ALPL: variants seen among roughly 807,000 people sequenced by gnomAD.
The protein encoded by ALPL is alkaline phosphatase, biomineralization associated.
A neutral mutation model predicts 51.3 loss-of-function variants in ALPL; 42 were observed. The observed-to-expected ratio is 0.82, with a 90% CI of 0.64 to 1.06. ALPL has a LOEUF of 1.06. ALPL is among the 50% of genes least tolerant of loss of function. The pLI is 0.00. For missense variants in ALPL, 589 were observed against 709.4 expected, an observed-to-expected ratio of 0.83 and a Z score of 1.93; for synonymous variants, 279 against 296.4, an observed-to-expected ratio of 0.94 and a Z score of 0.60.
At chr1:21,551,783 T>C (rs1644327038) in intron 1 of ALPL, among the ~76,000 whole-genome samples, 2 of 134,646 alleles carry the variant, frequency 1.5e-5, no homozygotes, top group South Asian at 5.4e-4. Context: ...TGGAGTGCAG[T>C]GGCGCGATCT....
At chr1:21,570,979 G>A (rs775644477) in intron 8 of ALPL, among the ~76,000 whole-genome samples, 28 of 152,230 alleles carry the variant, frequency 1.8e-4, no homozygotes, top group Non-Finnish European at 3.2e-4. Context: ...ACAGCTCCGC[G>A]TCCTGGGTGT....
Position 21,564,319 on chromosome 1 carries a change from G to A in ALPL, c.648+103G>A. 1 of 1,441,428 alleles carries A rather than the reference G, an allele frequency of 6.9e-7. No individual in the cohort carries two copies. Among genetic ancestry groups the A allele is most frequent in the Non-Finnish European group, 9.5e-7 (1 of 1,051,606 alleles). 89.3% of individuals were successfully genotyped at this position (1,441,428 alleles called of 1,614,324 possible). On this transcript the variant is annotated intron_variant, in intron 6 of 11. Coordinates refer to ENST00000374840, the MANE Select transcript of ALPL (RefSeq NM_000478.6). This position sits in a 1 kb window ranked among gnomAD's most constrained non-coding sequence, Gnocchi z 5.8. ...GGCCCGGAGAAAGCAGCCTGGCCTG[G>A]CTCCCCACACACCTGGGAGGCTCCC...
At chr1:21,547,804 G>A (rs1226955701) in intron 1 of ALPL, among the ~76,000 whole-genome samples, 1 of 152,226 alleles carries the variant, frequency 6.6e-6, no homozygotes, top group Non-Finnish European at 1.5e-5. Context: ...TAAACAGCAT[G>A]GGGCTGAGTG....
At chr1:21,573,574 C>T (rs2148183920) in intron 8 of ALPL, 91 bp from the exon 9 acceptor site, 2 of 1,529,326 alleles carry the variant, frequency 1.3e-6, no homozygotes, top group Non-Finnish European at 8.9e-7. Flanking sequence ...TGTGGGGAGC[C>T]TGCATTCCCT....
In ALPL at chr1:21,546,648, G is replaced by A. The variant is rs372386687; in HGVS notation, c.-104-7330G>A. Among the ~76,000 whole-genome samples, 332 of 152,330 alleles carry A rather than the reference G, an allele frequency of 2.2e-3. 2 individuals carry two copies. The highest frequency in any genetic ancestry group is 7.6e-3 in the African/African-American group (317 of 41,586). On this transcript the variant is annotated intron_variant, in intron 1 of 11. Coordinates refer to ENST00000374840, the MANE Select transcript of ALPL (RefSeq NM_000478.6). ...GGGTGACTGCTGGCTTTAGGCCAGC[G>A]CCTGGCAGGGCTTCACTAAAGCCTC...
At chr1:21,525,842 G>A (rs1385337368) in intron 1 of ALPL, among the ~76,000 whole-genome samples, 2 of 152,134 alleles carry the variant, frequency 1.3e-5, no homozygotes, top group East Asian at 3.9e-4. Flanking sequence ...ACAAAAATTA[G>A]CCGGGCATGG....
intron 6 of ALPL, among the ~76,000 whole-genome samples, chr1:21,566,307 G>A (rs569375494): frequency 9.2e-5 from 14 of 152,208 alleles, no homozygotes; most frequent in Non-Finnish European, 1.3e-4. Flanking sequence ...ATTTTGAGAC[G>A]GAGTCTCATT....
intron 1 of ALPL, among the ~76,000 whole-genome samples, chr1:21,524,834 G>A (rs764906101): frequency 1.6e-4 from 24 of 152,214 alleles, no homozygotes; most frequent in Middle Eastern, 3.2e-3. Context: ...TATCCCCTGC[G>A]CGATTCCTGG....
intron 1 of ALPL, among the ~76,000 whole-genome samples, chr1:21,540,373 T>A (rs1644166942): frequency 6.6e-6 from 1 of 152,166 alleles, no homozygotes; most frequent in South Asian, 2.1e-4. Context: ...ACAGAGTTGG[T>A]TTGGGGCATC....
intron 2 of ALPL, among the ~76,000 whole-genome samples, chr1:21,559,158 C>T (rs1403760741): frequency 6.6e-6 from 1 of 152,190 alleles, no homozygotes; most frequent in Non-Finnish European, 1.5e-5. Context: ...CAAGACCCTC[C>T]CATTCCTGAT....
chr1:21,536,564 A>G (rs2148101899), intron 1 of ALPL, among the ~76,000 whole-genome samples: 1 of 152,288 alleles, frequency 6.6e-6, no homozygotes, highest in African/African-American at 2.4e-5. Flanking sequence ...TCTCTAGTCC[A>G]TCTCTGAGAG....
At chr1:21,536,507 A>C (rs1256345) in intron 1 of ALPL, among the ~76,000 whole-genome samples, 17,720 of 152,220 alleles carry the variant, frequency 0.12, 1,176 homozygotes, top group Non-Finnish European at 0.15. Context: ...GCATGGCTGC[A>C]TCTAGGAGCC....
At position 21,577,585 on chromosome 1, in the gene ALPL, C is replaced by A. The variant is rs1347933667; in HGVS notation, c.1512C>A (p.Gly504=). ...LGHCAPASSA[G]SLAAGPLLLA... ...ACTGTGCTCCTGCCAGCTCGGCAGG[C>A]AGCCTTGCTGCAGGCCCCCTGCTGC... Residue 504 remains glycine (G), a synonymous_variant, in exon 12 of 12, where the codon GGC becomes GGA. Coordinates refer to ENST00000374840, the MANE Select transcript of ALPL (RefSeq NM_000478.6). 1 of 1,602,366 alleles carries A rather than the reference C, an allele frequency of 6.2e-7. No homozygotes were observed. Among genetic ancestry groups the A allele is most frequent in the Non-Finnish European group, 8.5e-7 (1 of 1,179,752 alleles).
At chr1:21,548,792 G>A (rs906685877) in intron 1 of ALPL, among the ~76,000 whole-genome samples, 6 of 152,062 alleles carry the variant, frequency 3.9e-5, no homozygotes, top group Admixed American at 2.0e-4. Flanking sequence ...ACAGCTCACC[G>A]AAGTCCCTAT....
Position 21,524,833 on chromosome 1 carries a change from C to T in ALPL, c.-105+15316C>T, listed in dbSNP as rs561409745. Among the ~76,000 whole-genome samples, 56 of 152,284 alleles carry T rather than the reference C, an allele frequency of 3.7e-4. No individual in the cohort carries two copies. The South Asian group carries it at 0.011, about 30-fold the overall frequency. On this transcript the variant is annotated intron_variant, in intron 1 of 11. Transcript: ENST00000374840. Reference sequence around the variant, plus strand: ...AAGTGCGGAGTTTATCTATCCCCTGCGCGATTCCTGGGGGAAGGGAAGGAC... The same window carrying T: ...AAGTGCGGAGTTTATCTATCCCCTGTGCGATTCCTGGGGGAAGGGAAGGAC...
intron 1 of ALPL, among the ~76,000 whole-genome samples, chr1:21,542,753 G>T (rs557909324): frequency 6.6e-6 from 1 of 152,164 alleles, no homozygotes; most frequent in Admixed American, 6.5e-5. Flanking sequence ...CATGAGAATC[G>T]CTTGAACTCT....
intron 1 of ALPL, among the ~76,000 whole-genome samples, chr1:21,547,604 C>G (rs760124898): frequency 2.0e-5 from 3 of 152,220 alleles, no homozygotes; most frequent in Admixed American, 1.3e-4. Context: ...CATTTGTTCT[C>G]GTGAGATGGA....
At chr1:21,524,353 G>C (rs1197788284) in intron 1 of ALPL, among the ~76,000 whole-genome samples, 1 of 152,122 alleles carries the variant, frequency 6.6e-6, no homozygotes, top group Non-Finnish European at 1.5e-5. Flanking sequence ...GGGAGTGGTG[G>C]CACATGCCTG....
intron 9 of ALPL, 92 bp from the exon 10 acceptor site, chr1:21,575,641 A>T (rs987344000): frequency 1.3e-6 from 2 of 1,508,234 alleles, no homozygotes; most frequent in Non-Finnish European, 1.8e-6. Flanking sequence ...TCCCTAGCTA[A>T]CAAAGGTTAA....
Sources: allele counts gnomAD v4.1 joint callset (sites outside exome capture counted in the v4.1 genomes callset), GRCh38; gene constraint gnomAD v4.1.1; non-coding constraint Gnocchi (gnomAD v3.1); transcripts MANE v1.5; gene names NCBI Gene and HGNC (gene_info 2026-07-23, HGNC 2026-07-21).